Variants in WDR7 observed in about 807,000 individuals in gnomAD.
The protein encoded by WDR7 is WD repeat domain 7, also known as WD repeat-containing protein 7.
WDR7 carries 46 observed loss-of-function variants against 169.4 expected under a neutral mutation model. That is an observed-to-expected ratio of 0.27 (90% confidence interval 0.21 to 0.35). The LOEUF (loss-of-function observed/expected upper bound fraction) is 0.35. Among genes scored for constraint, WDR7 ranks in the 10% least tolerant of loss-of-function variants. The probability of loss-of-function intolerance (pLI) is 1.00; values close to 1 mark genes in which losing one functional copy is unlikely to be tolerated. For missense variants in WDR7, 1,534 were observed against 1,859.3 expected (o/e 0.83, Z 3.22); for synonymous variants, 612 against 666.8 (o/e 0.92, Z 1.27).
chr18:56,820,359 A>AAAAAAAC lies in WDR7; in HGVS notation c.3304+4220_3304+4221insACAAAAA, dbSNP rs1044771844. Among the ~76,000 whole-genome samples the AAAAAAAC allele has an allele frequency of 5.0e-4, 64 of 127,492 alleles. 1 individual carries two copies. The highest frequency in any genetic ancestry group is 1.6e-3 in the African/African-American group (45 of 28,402). 83.6% of individuals were successfully genotyped at this position (127,492 alleles called of 152,430 possible). A position where few individuals can be genotyped will look rare whatever the true frequency, so the allele number is the denominator to read the frequency against. ...ATTGTCAAAAAAAAAAAAAAAAAAA[A>AAAAAAAC]AAAAACCACCTTGATACTAGATCAG... On this transcript the variant is annotated intron_variant, in intron 20 of 27. Transcript: ENST00000254442.
At chr18:56,991,143 A>ATTTT (rs60092817) in intron 26 of WDR7, among the ~76,000 whole-genome samples, 1,561 of 110,596 alleles carry the variant, frequency 0.014, 120 homozygotes, top group African/African-American at 0.038. Context: ...CCTTCTCCTC[A>ATTTT]TTTTTTTTTT....
chr18:56,917,292 A>G (rs1041433171), intron 21 of WDR7, among the ~76,000 whole-genome samples: 4 of 152,146 alleles, frequency 2.6e-5, no homozygotes, highest in African/African-American at 9.7e-5. Flanking sequence ...TGTTCTAAAG[A>G]TGTAAGAGAG....
In WDR7 at chr18:56,682,815, T is replaced by G. The variant is rs1271539588; in HGVS notation, c.482T>G (p.Ile161Ser). 1 of 1,613,814 alleles carries G rather than the reference T, an allele frequency of 6.2e-7. No homozygotes were observed. Residue 161 changes from isoleucine (I) to serine (S), a missense_variant, in exon 5 of 28, where the codon ATT becomes AGT. Transcript: ENST00000254442. ...GTATCAAAGATATCACCAGACTGGA[T>G]TAGCTCCATGAGTATTATTCGATCC... ...SLVSKISPDWISSMSIIRSHR... is the reference protein window; with the variant it reads ...SLVSKISPDWSSSMSIIRSHR...
At chr18:56,899,537 A>G (rs1338422960) in intron 21 of WDR7, among the ~76,000 whole-genome samples, 1 of 152,130 alleles carries the variant, frequency 6.6e-6, no homozygotes, top group Non-Finnish European at 1.5e-5. Context: ...TAAATTCCTG[A>G]AAATTTTAAG....
chr18:56,803,530 C>T (rs938380840), intron 19 of WDR7, among the ~76,000 whole-genome samples: 6 of 151,724 alleles, frequency 4.0e-5, no homozygotes, highest in East Asian at 3.9e-4. Context: ...TATCGTAAGA[C>T]GTCTGGAAAT....
At chr18:56,700,260 T>C (rs1270262750) in intron 12 of WDR7, among the ~76,000 whole-genome samples, 2 of 127,560 alleles carry the variant, frequency 1.6e-5, no homozygotes, top group African/African-American at 5.7e-5. Context: ...TTCTTTTTTT[T>C]TTTTTTTTTT....
intron 16 of WDR7, among the ~76,000 whole-genome samples, chr18:56,765,767 T>C (rs1599026885): frequency 6.6e-6 from 1 of 152,260 alleles, no homozygotes; most frequent in African/African-American, 2.4e-5. Context: ...TACTTTAAGC[T>C]TTCTTTTTAT....
intron 12 of WDR7, 69 bp from the exon 13 acceptor site, chr18:56,717,895 T>G: frequency 7.0e-7 from 1 of 1,438,668 alleles, no homozygotes; most frequent in Non-Finnish European, 9.2e-7. Flanking sequence ...TGCCTTAAGT[T>G]ATTGAAAACA....
At chr18:56,858,194 A>G (rs892350082) in intron 20 of WDR7, among the ~76,000 whole-genome samples, 1 of 151,976 alleles carries the variant, frequency 6.6e-6, no homozygotes, top group Non-Finnish European at 1.5e-5. Context: ...CAGATTTGAA[A>G]CCTTAAAGTT....
At chr18:56,678,075 A>G (rs1052321233) in intron 2 of WDR7, among the ~76,000 whole-genome samples, 1 of 152,170 alleles carries the variant, frequency 6.6e-6, no homozygotes, top group Non-Finnish European at 1.5e-5. Context: ...TTAGTATGCC[A>G]ATTGCATTTT....
intron 13 of WDR7, among the ~76,000 whole-genome samples, chr18:56,729,711 T>C (rs541602670): frequency 6.6e-6 from 1 of 152,288 alleles, no homozygotes; most frequent in South Asian, 2.1e-4. Flanking sequence ...ACCACACACA[T>C]ATATGTTTGG....
chr18:56,829,970 A>G (rs527871735), intron 20 of WDR7, among the ~76,000 whole-genome samples: 7 of 152,346 alleles, frequency 4.6e-5, no homozygotes, highest in African/African-American at 7.2e-5. Flanking sequence ...AGAGTTTTCT[A>G]AAGTCAAATG....
intron 13 of WDR7, among the ~76,000 whole-genome samples, chr18:56,718,602 C>T (rs900878716): frequency 9.9e-5 from 15 of 152,014 alleles, no homozygotes; most frequent in Non-Finnish European, 1.8e-4. Context: ...TTTAAAATTT[C>T]GAGTTTCAGA....
chr18:56,931,552 G>T (rs1023047558), intron 22 of WDR7, among the ~76,000 whole-genome samples: 1 of 152,048 alleles, frequency 6.6e-6, no homozygotes, highest in Non-Finnish European at 1.5e-5. Flanking sequence ...GGGCTGTACC[G>T]GGCACTTTGG....
intron 12 of WDR7, among the ~76,000 whole-genome samples, chr18:56,705,302 T>A (rs979774911): frequency 1.8e-4 from 28 of 151,992 alleles, no homozygotes; most frequent in Admixed American, 1.7e-3. Context: ...AAGATATCTT[T>A]TTTTTTTTTG....
At chr18:56,703,690 AAT>A (rs2025885256) in intron 12 of WDR7, among the ~76,000 whole-genome samples, 1 of 152,116 alleles carries the variant, frequency 6.6e-6, no homozygotes, top group South Asian at 2.1e-4. Context: ...AGTTATAGAA[AAT>A]AGAGATATTT....
chr18:56,678,963 G>A (rs564690287), intron 2 of WDR7, among the ~76,000 whole-genome samples: 33 of 152,308 alleles, frequency 2.2e-4, no homozygotes, highest in African/African-American at 7.9e-4. Flanking sequence ...TGGACTGGGG[G>A]GTGGAATGAC....
At chr18:56,730,267 T>C (rs556194112) in intron 13 of WDR7, among the ~76,000 whole-genome samples, 93 of 152,228 alleles carry the variant, frequency 6.1e-4, no homozygotes, top group South Asian at 2.7e-3. Flanking sequence ...TGTTCTCTGG[T>C]GTTCGTGTTA....
Position 56,749,040 on chromosome 18 carries a change from T to C in WDR7, c.1990-7543T>C, listed in dbSNP as rs773473616. Among the ~76,000 whole-genome samples the C allele has an allele frequency of 2.6e-5, 4 of 152,178 alleles. No homozygotes were observed. In the South Asian group the frequency reaches 8.3e-4, roughly 32 times the overall value. ...ATATTTTTTAGTAGATGATGAGGTTTTTCCCTTAGCTATTTAAAAATTACA... is the reference window on the plus strand; with the variant it reads ...ATATTTTTTAGTAGATGATGAGGTTCTTCCCTTAGCTATTTAAAAATTACA... On this transcript the variant is annotated intron_variant, in intron 14 of 27. Coordinates refer to ENST00000254442, the MANE Select transcript of WDR7 (RefSeq NM_015285.3).
Sources: allele counts gnomAD v4.1 joint callset (sites outside exome capture counted in the v4.1 genomes callset), GRCh38; gene constraint gnomAD v4.1.1; transcripts MANE v1.5; gene names NCBI Gene and HGNC (gene_info 2026-07-23, HGNC 2026-07-21).